The following PLS3 variants were observed in gnomAD, a reference collection of about 807,000 sequenced individuals.
PLS3 encodes the protein plastin 3, also known as plastin-3.
In PLS3, 11 loss-of-function variants were observed where a neutral mutation model predicts 46.5. The ratio of observed to expected loss-of-function variants is 0.24; its 90% CI spans 0.15 to 0.39. The LOEUF (loss-of-function observed/expected upper bound fraction) is 0.39, where lower values mean the gene tolerates loss of function less well. PLS3 is among the 10% of genes least tolerant of loss of function. PLS3 has a pLI of 1.00. For missense variants in PLS3, 308 were observed against 461.8 expected (o/e 0.67, Z 3.05); for synonymous variants, 167 against 162.2 (o/e 1.03, Z -0.22).
intron 3 of PLS3, among the ~76,000 whole-genome samples, chrX:115,628,309 G>T (rs781908159): frequency 5.3e-5 from 6 of 112,399 alleles, no homozygotes; most frequent in Non-Finnish European, 9.4e-5. Flanking sequence ...CATTTGTTCA[G>T]CAACTTTTCC....
chrX:115,635,156 G>A (rs1328435619), intron 7 of PLS3, 110 bp downstream of exon 7: 4 of 623,343 alleles, frequency 6.4e-6, no homozygotes, highest in East Asian at 6.6e-5. Flanking sequence ...TAACTAGAAT[G>A]AACATAAGGT....
intron 9 of PLS3, 57 bp from the exon 10 acceptor site, chrX:115,643,256 A>G (rs1275998422): frequency 1.3e-4 from 97 of 766,164 alleles, no homozygotes; most frequent in Non-Finnish European, 1.8e-4. Flanking sequence ...ACAGTGGGGA[A>G]ATTTTCTATA....
intron 2 of PLS3, among the ~76,000 whole-genome samples, chrX:115,621,776 T>C (rs898052537): frequency 6.2e-5 from 7 of 112,152 alleles, no homozygotes; most frequent in African/African-American, 2.3e-4. Flanking sequence ...GCACTGAACA[T>C]GACTGCTTAA....
intron 1 of PLS3, among the ~76,000 whole-genome samples, chrX:115,569,198 G>C (rs2074197414): frequency 9.0e-6 from 1 of 111,322 alleles, no homozygotes; most frequent in African/African-American, 3.3e-5. Context: ...AGCAGGATGA[G>C]GTAGGATTCT....
At chrX:115,587,598 G>A (rs1478723692) in intron 1 of PLS3, among the ~76,000 whole-genome samples, 1 of 111,082 alleles carries the variant, frequency 9.0e-6, no homozygotes, top group African/African-American at 3.3e-5. Flanking sequence ...AGCTGGGCGT[G>A]GTGGCGGGCA....
At chrX:115,642,060 T>A (rs1445029104) in intron 9 of PLS3, among the ~76,000 whole-genome samples, 5 of 101,094 alleles carry the variant, frequency 4.9e-5, no homozygotes, top group African/African-American at 1.5e-4. Flanking sequence ...TTTTTTTTTT[T>A]AAGAGACGAG....
At chrX:115,567,709 CTTTTTTTTTTTT>C (rs782653479) in intron 1 of PLS3, among the ~76,000 whole-genome samples, 4 of 81,950 alleles carry the variant, frequency 4.9e-5, no homozygotes, top group Non-Finnish European at 9.1e-5. Context: ...TTTTCTTCTT[CTTTTTTTTTTTT>C]TTTTTTTTGA....
intron 1 of PLS3, among the ~76,000 whole-genome samples, chrX:115,587,501 C>T (rs782490316): frequency 6.3e-5 from 7 of 111,551 alleles, no homozygotes; most frequent in South Asian, 3.7e-4. Flanking sequence ...TTTGGGAGGC[C>T]GAGGCGGGCA....
At chrX:115,610,358 A>G in intron 2 of PLS3, 35 bp downstream of exon 2, 1 of 753,949 alleles carries the variant, frequency 1.3e-6, no homozygotes, top group Non-Finnish European at 2.0e-6. Context: ...ATAGGGAAGC[A>G]ATATTTATTT....
intron 1 of PLS3, among the ~76,000 whole-genome samples, chrX:115,590,422 T>A (rs1394245154): frequency 1.8e-5 from 2 of 110,721 alleles, no homozygotes; most frequent in East Asian, 5.7e-4. Flanking sequence ...ACAGACACGC[T>A]CCCCACCGCC....
intron 2 of PLS3, among the ~76,000 whole-genome samples, chrX:115,618,685 C>G (rs1401736699): frequency 9.0e-6 from 1 of 111,637 alleles, no homozygotes; most frequent in Non-Finnish European, 1.9e-5. Flanking sequence ...CACTTGAGGC[C>G]AGGAGTTCAA....
At position 115,597,246 on chromosome X, in the gene PLS3, C is replaced by T. The variant is rs1334130133; in HGVS notation, c.-8-12997C>T. 3.9e-4 allele frequency among the ~76,000 whole-genome samples: 43 copies of T among 111,675 alleles called. 1 individual carries two copies. Among genetic ancestry groups the T allele is most frequent in the Admixed American group, 3.6e-3 (38 of 10,465 alleles). On this transcript the variant is annotated intron_variant, in intron 1 of 15. Coordinates refer to ENST00000355899, the MANE Select transcript of PLS3 (RefSeq NM_005032.7). ...CAGTGGTAGAAGAGGGCTAAAATGG[C>T]TTAGTCTAACCCCATGCATAACTTT... is the stretch of plus-strand genomic sequence containing the variant.
intron 1 of PLS3, among the ~76,000 whole-genome samples, chrX:115,606,844 T>A (rs891242718): frequency 6.3e-5 from 7 of 111,310 alleles, no homozygotes; most frequent in Non-Finnish European, 9.4e-5. Flanking sequence ...TAAAAAAAAA[T>A]TTTTTTGGAG....
intron 1 of PLS3, among the ~76,000 whole-genome samples, chrX:115,573,240 C>T (rs933504156): frequency 2.7e-5 from 3 of 110,947 alleles, no homozygotes; most frequent in African/African-American, 6.5e-5. Context: ...ATAATCAAAT[C>T]TAAACTAAGA....
chrX:115,562,535 T>C (rs1412977582), intron 1 of PLS3: 1 of 111,382 alleles, frequency 9.0e-6, no homozygotes, highest in Non-Finnish European at 1.9e-5. Context: ...CCCGGCCTGT[T>C]AAGAGGGATT....
chrX:115,577,016 C>T (rs2074253147), intron 1 of PLS3, among the ~76,000 whole-genome samples: 2 of 112,034 alleles, frequency 1.8e-5, no homozygotes, highest in Non-Finnish European at 3.8e-5. Flanking sequence ...AGGATCAGGT[C>T]GCCATCACTG....
At position 115,650,754 on chromosome X, in the gene PLS3, A is replaced by G. The variant is rs1406379504; in HGVS notation, c.*1193A>G. On this transcript the variant is annotated 3_prime_UTR_variant, in exon 16 of 16. Transcript: ENST00000355899. ...TTTTTTCTTTTTGTTTTTCTGATGT[A>G]TTCTGTAAAATGGTGTTTGTTAAAT... The G allele has an allele frequency of 8.9e-6, 1 of 112,038 alleles. No homozygotes were observed. The allele number at this position is 112,038 out of a possible 1,213,427, so 9.2% of individuals were successfully genotyped here. A position where few individuals can be genotyped will look rare whatever the true frequency, so the allele number is the denominator to read the frequency against.
At chrX:115,614,503 C>G in intron 2 of PLS3, 2 of 751,974 alleles carry the variant, frequency 2.7e-6, no homozygotes, top group Non-Finnish European at 3.1e-6. Flanking sequence ...TAAACTGCCT[C>G]TTATATTTGC....
intron 3 of PLS3, among the ~76,000 whole-genome samples, chrX:115,627,191 G>A (rs12008197): frequency 0.011 from 1,178 of 111,454 alleles, 15 homozygotes; most frequent in African/African-American, 0.036. Flanking sequence ...ATTCCCAGAC[G>A]TTCTCTTTTT....
Sources: allele counts gnomAD v4.1 joint callset (sites outside exome capture counted in the v4.1 genomes callset), GRCh38; gene constraint gnomAD v4.1.1; transcripts MANE v1.5; gene names NCBI Gene and HGNC (gene_info 2026-07-23, HGNC 2026-07-21).